CHRM3: variants seen among roughly 807,000 people sequenced by gnomAD.
The protein encoded by CHRM3 is muscarinic acetylcholine receptor M3.
CHRM3 carries 11 observed loss-of-function variants against 41.8 expected under a neutral mutation model. The ratio of observed to expected loss-of-function variants is 0.26; its 90% CI spans 0.17 to 0.44. The LOEUF is 0.44. Ranked by LOEUF, CHRM3 falls within the 20% of genes least tolerant of loss-of-function variation. CHRM3 has a pLI of 1.00. For missense variants in CHRM3, 571 were observed against 745.4 expected (o/e 0.77, Z 2.72); for synonymous variants, 297 against 301.4 (o/e 0.99, Z 0.15).
At chr1:239,771,484 C>G (rs1163000515) in intron 5 of CHRM3, among the ~76,000 whole-genome samples, 1 of 152,218 alleles carries the variant, frequency 6.6e-6, no homozygotes, top group Non-Finnish European at 1.5e-5. Context: ...TACAGAAACA[C>G]TCGCTTCTGA....
At chr1:239,460,436 T>C (rs186605493) in intron 1 of CHRM3, among the ~76,000 whole-genome samples, 4 of 152,308 alleles carry the variant, frequency 2.6e-5, no homozygotes, top group Admixed American at 6.5e-5. Context: ...CCCAGAATGA[T>C]TGGTATCCAG....
intron 6 of CHRM3, among the ~76,000 whole-genome samples, chr1:239,859,262 T>C (rs760196593): frequency 6.6e-6 from 1 of 152,174 alleles, no homozygotes; most frequent in Non-Finnish European, 1.5e-5. Context: ...GTTATGTTCT[T>C]TTTTGTTTGT....
chr1:239,531,274 C>G (rs530728615), intron 2 of CHRM3, among the ~76,000 whole-genome samples: 1 of 152,036 alleles, frequency 6.6e-6, no homozygotes, highest in Non-Finnish European at 1.5e-5. Context: ...CTACAGTAAT[C>G]AAGGCAGTGT....
chr1:239,557,626 C>A (rs899391269), intron 3 of CHRM3, among the ~76,000 whole-genome samples: 2 of 152,058 alleles, frequency 1.3e-5, no homozygotes, highest in African/African-American at 4.8e-5. Flanking sequence ...CTCTATTGTT[C>A]TCCCCCACCG....
intron 5 of CHRM3, among the ~76,000 whole-genome samples, chr1:239,743,246 T>A (rs1033695107): frequency 6.6e-6 from 1 of 152,208 alleles, no homozygotes; most frequent in Non-Finnish European, 1.5e-5. Context: ...CATTCATCAT[T>A]ACTTTTTATT....
intron 4 of CHRM3, among the ~76,000 whole-genome samples, chr1:239,643,173 C>A (rs1407299526): frequency 6.6e-6 from 1 of 152,146 alleles, no homozygotes; most frequent in African/African-American, 2.4e-5. Flanking sequence ...CAGTCTGCCC[C>A]TACTGGGGGG....
chr1:239,893,899 C>G (rs1678763240), intron 6 of CHRM3, among the ~76,000 whole-genome samples: 1 of 152,056 alleles, frequency 6.6e-6, no homozygotes, highest in Non-Finnish European at 1.5e-5. Context: ...GTATCTTACC[C>G]AGTTTTTCCT....
At chr1:239,813,748 T>C (rs1671313573) in intron 5 of CHRM3, among the ~76,000 whole-genome samples, 1 of 121,486 alleles carries the variant, frequency 8.2e-6, no homozygotes, top group Non-Finnish European at 1.7e-5. Flanking sequence ...AAACCCCGTC[T>C]CTACTAAAAA....
chr1:239,416,282 A>G (rs1361025025), intron 1 of CHRM3, among the ~76,000 whole-genome samples: 1 of 152,074 alleles, frequency 6.6e-6, no homozygotes, highest in East Asian at 1.9e-4. Context: ...TACTATCGAT[A>G]CAGGAACTAA....
At chr1:239,421,536 G>T in intron 1 of CHRM3, among the ~76,000 whole-genome samples, 1 of 152,096 alleles carries the variant, frequency 6.6e-6, no homozygotes, top group East Asian at 1.9e-4. Flanking sequence ...TGCACCTGAT[G>T]TTTGTTTTTA....
chr1:239,593,607 A>G (rs1664445894), intron 3 of CHRM3, among the ~76,000 whole-genome samples: 1 of 152,286 alleles, frequency 6.6e-6, no homozygotes, highest in Admixed American at 6.5e-5. Context: ...TGAATATTAG[A>G]ACTAAGAGTA....
chr1:239,507,568 G>T (rs1299242949), intron 2 of CHRM3, among the ~76,000 whole-genome samples: 1 of 152,184 alleles, frequency 6.6e-6, no homozygotes, highest in East Asian at 1.9e-4. Flanking sequence ...CAATGATGAT[G>T]ATTATATTCT....
chr1:239,542,267 G>A (rs572477226), intron 2 of CHRM3, among the ~76,000 whole-genome samples: 9 of 152,182 alleles, frequency 5.9e-5, no homozygotes, highest in African/African-American at 1.9e-4. Context: ...CTAGGGATTG[G>A]TAAGAATTAG....
chr1:239,902,808 A>G (rs1223275340), intron 6 of CHRM3, among the ~76,000 whole-genome samples: 1 of 152,178 alleles, frequency 6.6e-6, no homozygotes, highest in African/African-American at 2.4e-5. Flanking sequence ...TGGATGTTGT[A>G]TCACATGGGT....
intron 1 of CHRM3, among the ~76,000 whole-genome samples, chr1:239,421,355 A>C (rs1661940234): frequency 6.6e-6 from 1 of 152,178 alleles, no homozygotes; most frequent in Admixed American, 6.5e-5. Flanking sequence ...CCTTGTATGA[A>C]ATGCCACAGT....
intron 2 of CHRM3, among the ~76,000 whole-genome samples, chr1:239,543,085 G>A (rs559048857): frequency 6.6e-6 from 1 of 152,294 alleles, no homozygotes; most frequent in South Asian, 2.1e-4. Flanking sequence ...GCCTTCAGCA[G>A]GAAGACTGGT....
intron 5 of CHRM3, among the ~76,000 whole-genome samples, chr1:239,811,571 T>C (rs1316487868): frequency 6.6e-6 from 1 of 152,236 alleles, no homozygotes. Context: ...GATACTTTGC[T>C]TTTCCTAGTA....
Position 239,912,837 on chromosome 1 carries a change from T to C in CHRM3, c.*3613T>C, listed in dbSNP as rs1223873013. On this transcript the variant is annotated 3_prime_UTR_variant, in exon 7 of 7. Coordinates refer to ENST00000676153, the MANE Select transcript of CHRM3 (RefSeq NM_001375978.1). ...GAGGACGAGTGAAAATAGTGCAGTA[T>C]AGTCAAAGAAGCAATGAATTTAGGA... is the stretch of plus-strand genomic sequence containing the variant. 6.0e-6 allele frequency: 1 copy of C among 167,096 alleles called. No individual in the cohort carries two copies. The highest frequency in any genetic ancestry group is 1.5e-5 in the Non-Finnish European group (1 of 68,116). 10.4% of individuals were successfully genotyped at this position (167,096 alleles called of 1,614,324 possible).
chr1:239,861,816 A>G (rs1384950915), intron 6 of CHRM3, among the ~76,000 whole-genome samples: 1 of 152,224 alleles, frequency 6.6e-6, no homozygotes, highest in Non-Finnish European at 1.5e-5. Context: ...TAGTTCAAGC[A>G]ATTTTAGTAA....
Sources: gnomAD v4.1 joint callset for allele counts (sites outside exome capture counted in the v4.1 genomes callset) on GRCh38, gnomAD v4.1.1 for gene constraint, MANE v1.5 for transcripts, NCBI Gene and HGNC (gene_info 2026-07-23, HGNC 2026-07-21) for gene names.